Variants in TFDP2 observed in about 807,000 individuals in gnomAD.
TFDP2 encodes transcription factor Dp-2 (E2F dimerization partner 2).
Under a neutral mutation model 59.3 loss-of-function variants are expected in TFDP2, and 17 were observed. That is an observed-to-expected ratio of 0.29 (90% CI 0.20 to 0.43). The LOEUF is 0.43. Ranked by LOEUF, TFDP2 falls within the 20% of genes least tolerant of loss-of-function variation. The pLI is 1.00. For synonymous variants in TFDP2, 180 were observed against 194.7 expected, an observed-to-expected ratio of 0.92 and a Z score of 0.63; for missense variants, 391 against 528.8, an observed-to-expected ratio of 0.74 and a Z score of 2.56.
At chr3:141,987,917 C>G (rs1030816631) in intron 6 of TFDP2, among the ~76,000 whole-genome samples, 3 of 148,092 alleles carry the variant, frequency 2.0e-5, no homozygotes, top group Middle Eastern at 7.5e-3. Context: ...CCAGCCTGGA[C>G]GACAGAGCAA....
chr3:142,016,318 T>A (rs1403196654), intron 3 of TFDP2, among the ~76,000 whole-genome samples: 3 of 85,074 alleles, frequency 3.5e-5, no homozygotes, highest in South Asian at 7.8e-4. Flanking sequence ...TTTTTTTTTT[T>A]AAGACAGTCT....
intron 1 of TFDP2, among the ~76,000 whole-genome samples, chr3:142,134,489 T>C (rs555275691): frequency 4.6e-5 from 7 of 152,068 alleles, no homozygotes; most frequent in African/African-American, 7.2e-5. Context: ...TTAGTCACAA[T>C]ATGAAAAATT....
chr3:142,085,924 C>A (rs1419540690), intron 3 of TFDP2, among the ~76,000 whole-genome samples: 2 of 152,178 alleles, frequency 1.3e-5, no homozygotes, highest in African/African-American at 4.8e-5. Flanking sequence ...CAGCAATCTA[C>A]CTTGATTAGT....
At chr3:142,060,033 T>C (rs989222003) in intron 3 of TFDP2, among the ~76,000 whole-genome samples, 5 of 152,200 alleles carry the variant, frequency 3.3e-5, no homozygotes, top group Non-Finnish European at 7.3e-5. Flanking sequence ...AAGATAACAT[T>C]AACTTTGCTT....
intron 3 of TFDP2, among the ~76,000 whole-genome samples, chr3:142,070,426 T>C (rs2060208709): frequency 6.6e-6 from 1 of 152,070 alleles, no homozygotes; most frequent in Non-Finnish European, 1.5e-5. Context: ...TACAGATGCA[T>C]GCCACCAAGC....
chr3:141,980,115 G>A (rs1941305780), intron 6 of TFDP2, among the ~76,000 whole-genome samples: 1 of 151,316 alleles, frequency 6.6e-6, no homozygotes, highest in South Asian at 2.1e-4. Flanking sequence ...ATGTTGCCCA[G>A]GCTGCTCTTG....
At chr3:141,992,648 T>A (rs569390216) in intron 6 of TFDP2, among the ~76,000 whole-genome samples, 2 of 152,318 alleles carry the variant, frequency 1.3e-5, no homozygotes, top group East Asian at 3.9e-4. Context: ...GAAGTGATTG[T>A]ATCTGTTGAA....
Position 141,968,394 on chromosome 3 carries a change from CAT to C in TFDP2, c.732+1677_732+1678del, listed in dbSNP as rs1392470153. Among the ~76,000 whole-genome samples the C allele has an allele frequency of 8.0e-5, 7 of 88,050 alleles. 1 individual carries two copies. The highest frequency in any genetic ancestry group is 1.1e-4 in the African/African-American group (3 of 27,442). The allele number at this position is 88,050 out of a possible 152,430, so 57.8% of individuals were successfully genotyped here. A position where few individuals can be genotyped will look rare whatever the true frequency, so the allele number is the denominator to read the frequency against. ...TATAACATATATCTCATATATATAA[CAT>C]ATATATCATATATATAACATATATA... On this transcript the variant is annotated intron_variant, in intron 9 of 12. Coordinates refer to ENST00000489671, the MANE Select transcript of TFDP2 (RefSeq NM_001178139.2).
chr3:142,122,957 TA>T (rs1043223622), intron 1 of TFDP2, among the ~76,000 whole-genome samples: 5 of 151,572 alleles, frequency 3.3e-5, no homozygotes, highest in Non-Finnish European at 5.9e-5. Flanking sequence ...ATTACGTTTA[TA>T]TAAAGTTTTT....
At chr3:142,082,768 A>G (rs1001966483) in intron 3 of TFDP2, among the ~76,000 whole-genome samples, 3 of 152,214 alleles carry the variant, frequency 2.0e-5, no homozygotes, top group Non-Finnish European at 4.4e-5. Context: ...AAAGACAAAA[A>G]CAATATAATC....
chr3:141,948,972 C>T lies in TFDP2; in HGVS notation c.*3541G>A, dbSNP rs1935590641. On this transcript the variant is annotated 3_prime_UTR_variant, in exon 13 of 13. Coordinates refer to ENST00000489671, the MANE Select transcript of TFDP2 (RefSeq NM_001178139.2). ...ACAAAAAAAATTAGCCAGGCATGGT[C>T]CCAGCTGAGGCAGGAGAATGGCGTG... 6.7e-6 allele frequency: 1 copy of T among 149,594 alleles called. No individual in the cohort carries two copies. The highest frequency in any genetic ancestry group is 2.5e-5 in the African/African-American group (1 of 40,456). The allele number at this position is 149,594 out of a possible 1,614,324, so 9.3% of individuals were successfully genotyped here.
intron 1 of TFDP2, among the ~76,000 whole-genome samples, chr3:142,142,264 A>T (rs565343207): frequency 6.6e-6 from 1 of 152,370 alleles, no homozygotes; most frequent in South Asian, 2.1e-4. Flanking sequence ...AAGTTACATG[A>T]TACAAAATCA....
intron 8 of TFDP2, among the ~76,000 whole-genome samples, chr3:141,973,121 A>AT (rs1231433469): frequency 8.7e-5 from 5 of 57,418 alleles, no homozygotes; most frequent in South Asian, 9.5e-4. Flanking sequence ...ATATATATAT[A>AT]TATTTTTTTT....
chr3:142,049,039 C>A (rs1280036014), intron 3 of TFDP2, among the ~76,000 whole-genome samples: 3 of 152,068 alleles, frequency 2.0e-5, no homozygotes, highest in Non-Finnish European at 4.4e-5. Context: ...ATATAGCACT[C>A]AAAACACAGC....
At chr3:142,075,734 G>GAAAAA (rs530375441) in intron 3 of TFDP2, among the ~76,000 whole-genome samples, 2 of 45,532 alleles carry the variant, frequency 4.4e-5, no homozygotes, top group African/African-American at 9.9e-5. Context: ...TGTCTCTACA[G>GAAAAA]AAAAAAAAAA....
At chr3:142,149,118 G>A (rs1021814347) in intron 1 of TFDP2, 65 bp downstream of exon 1, 1 of 397,654 alleles carries the variant, frequency 2.5e-6, no homozygotes, top group South Asian at 1.3e-4. Flanking sequence ...ACCTACCCAG[G>A]AACGCGCCCG....
At chr3:142,098,538 A>G (rs2061233868) in intron 2 of TFDP2, among the ~76,000 whole-genome samples, 2 of 152,050 alleles carry the variant, frequency 1.3e-5, no homozygotes, top group South Asian at 2.1e-4. Context: ...CTGGCCACTT[A>G]CCGTATCCCA....
chr3:141,983,229 C>T (rs551466713), intron 6 of TFDP2, among the ~76,000 whole-genome samples: 1 of 152,298 alleles, frequency 6.6e-6, no homozygotes, highest in South Asian at 2.1e-4. Flanking sequence ...GGTCCTGCAA[C>T]CAATCCAGTA....
At chr3:141,975,072 C>A (rs1162427492) in intron 7 of TFDP2, among the ~76,000 whole-genome samples, 1 of 151,916 alleles carries the variant, frequency 6.6e-6, no homozygotes, top group African/African-American at 2.4e-5. Context: ...CATCACCACG[C>A]CCAGCTAATT....
Sources: allele counts gnomAD v4.1 joint callset (sites outside exome capture counted in the v4.1 genomes callset), GRCh38; gene constraint gnomAD v4.1.1; transcripts MANE v1.5; gene names NCBI Gene and HGNC (gene_info 2026-07-23, HGNC 2026-07-21).